The following ZNF514 variants were observed in gnomAD, a reference collection of about 807,000 sequenced individuals.
The protein encoded by ZNF514 is zinc finger protein 514.
In ZNF514, 12 loss-of-function variants were observed where a neutral mutation model predicts 9.7. That is an observed-to-expected ratio of 1.24 (90% CI 0.79 to 2.01). The LOEUF is 2.01. ZNF514 is among the 30% of genes most tolerant of loss of function. ZNF514 has a pLI of 0.00. For missense variants in ZNF514, 467 were observed against 465.5 expected, an observed-to-expected ratio of 1.00 and a Z score of -0.03; for synonymous variants, 158 against 163.7, an observed-to-expected ratio of 0.97 and a Z score of 0.27.
chr2:95,141,734 A>C (rs530882097), downstream of ZNF514, among the ~76,000 whole-genome samples: 1 of 152,360 alleles, frequency 6.6e-6, no homozygotes, highest in East Asian at 1.9e-4. Flanking sequence ...TACAGCAGTG[A>C]AACTCCAGGG....
chr2:95,157,016 T>C (rs1362250854), intron 2 of ZNF514, among the ~76,000 whole-genome samples: 2 of 152,236 alleles, frequency 1.3e-5, no homozygotes, highest in African/African-American at 2.4e-5. Flanking sequence ...ATTCACATCC[T>C]GTTACTGGTG....
downstream of ZNF514, among the ~76,000 whole-genome samples, chr2:95,140,846 G>A (rs990424741): frequency 2.8e-4 from 42 of 151,890 alleles, no homozygotes; most frequent in African/African-American, 9.4e-4. Context: ...ATGGTGTTGT[G>A]TGCCTATAGT....
chr2:95,158,927 A>G, intron 1 of ZNF514: 2 of 1,289,760 alleles, frequency 1.6e-6, no homozygotes, highest in Non-Finnish European at 2.0e-6. Context: ...TAGCTCCCCA[A>G]GAGGGCTCCT....
rs1245224613 is a variant in ZNF514 at position 95,147,240 on chromosome 2, TAA to T, written c.*2040_*2041del. 1.3e-5 allele frequency: 2 copies of T among 151,954 alleles called. No homozygotes were observed. Among genetic ancestry groups the T allele is most frequent in the East Asian group, 3.9e-4 (2 of 5,182 alleles). 9.4% of individuals were successfully genotyped at this position (151,954 alleles called of 1,614,324 possible). A position where few individuals can be genotyped will look rare whatever the true frequency, so the allele number is the denominator to read the frequency against. ...ATGTAGGGGTAACTGTTACAGAAAA[TAA>T]AAAGTGATACCAAAAATGCATAGAT... is the stretch of plus-strand genomic sequence containing the variant. On this transcript the variant is annotated 3_prime_UTR_variant, in exon 5 of 5. Coordinates refer to ENST00000295208, the MANE Select transcript of ZNF514 (RefSeq NM_032788.3).
At chr2:95,155,795 A>G (rs1285922599) in intron 2 of ZNF514, 1 of 152,236 alleles carries the variant, frequency 6.6e-6, no homozygotes, top group African/African-American at 2.4e-5. Flanking sequence ...GACCTGCAGC[A>G]GCCAGTGGGT....
chr2:95,146,831 A>T lies in ZNF514; in HGVS notation c.*2451T>A, dbSNP rs1385492601. On this transcript the variant is annotated 3_prime_UTR_variant, in exon 5 of 5. Coordinates refer to ENST00000295208, the MANE Select transcript of ZNF514 (RefSeq NM_032788.3). ...GCACTGGGAAAAAAGGGAGAGACGG[A>T]GCAAGAAAATATTTGCTATTTCTGC... Among the ~76,000 whole-genome samples, 1 of 152,068 alleles carries T rather than the reference A, an allele frequency of 6.6e-6. No individual in the cohort carries two copies. The highest frequency in any genetic ancestry group is 6.6e-5 in the Admixed American group (1 of 15,248).
the ZNF514 span, among the ~76,000 whole-genome samples, chr2:95,134,179 G>A: frequency 2.4e-4 from 36 of 152,052 alleles, no homozygotes; most frequent in Non-Finnish European, 4.3e-4. Context: ...CATAAACTTT[G>A]TGATTTTTAC....
the ZNF514 span, among the ~76,000 whole-genome samples, chr2:95,134,455 A>G: frequency 1.3e-5 from 2 of 152,184 alleles, no homozygotes; most frequent in Non-Finnish European, 2.9e-5. Context: ...ATCCCCTTTT[A>G]TAACAGCTAC....
In ZNF514 at chr2:95,149,148, A is replaced by T; in HGVS notation, c.*134T>A. On this transcript the variant is annotated 3_prime_UTR_variant, in exon 5 of 5. Coordinates refer to ENST00000295208, the MANE Select transcript of ZNF514 (RefSeq NM_032788.3). ...GACATTGACAGGGATTCTCTTTAGT[A>T]ATTATTGCCTGATGTGGAACAAGAT... The T allele has an allele frequency of 8.8e-7, 1 of 1,135,028 alleles. No homozygotes were observed. The highest frequency in any genetic ancestry group is 1.2e-6 in the Non-Finnish European group (1 of 813,918). The allele number at this position is 1,135,028 out of a possible 1,614,324, so 70.3% of individuals were successfully genotyped here.
intron 2 of ZNF514, 137 bp downstream of exon 2, chr2:95,157,214 C>T (rs1673711924): frequency 4.5e-6 from 2 of 445,262 alleles, no homozygotes; most frequent in South Asian, 1.9e-5. Context: ...CCATCATTCA[C>T]TTGGATGGGC....
At chr2:95,136,277 G>C in the ZNF514 span, among the ~76,000 whole-genome samples, 1 of 150,072 alleles carries the variant, frequency 6.7e-6, no homozygotes. Context: ...TTTTTTTTGA[G>C]ATGGAGTCTC....
intron 1 of ZNF514, among the ~76,000 whole-genome samples, chr2:95,157,868 G>C (rs942135233): frequency 2.0e-5 from 3 of 152,308 alleles, no homozygotes; most frequent in South Asian, 4.1e-4. Flanking sequence ...TTAAGGGGAG[G>C]AAGTTACACC....
rs1333960336 is a variant in ZNF514, at chr2:95,157,457, G to A, written c.-95-18C>T. 1 of 1,283,094 alleles carries A rather than the reference G, an allele frequency of 7.8e-7. No individual in the cohort carries two copies. The highest frequency in any genetic ancestry group is 1.0e-6 in the Non-Finnish European group (1 of 982,878). 79.5% of individuals were successfully genotyped at this position (1,283,094 alleles called of 1,614,324 possible). A position where few individuals can be genotyped will look rare whatever the true frequency, so the allele number is the denominator to read the frequency against. On this transcript the variant is annotated intron_variant, in intron 1 of 4. Coordinates refer to ENST00000295208, the MANE Select transcript of ZNF514 (RefSeq NM_032788.3). ...AGGGGAAGCTGGGAAGGTAGAAGGA[G>A]ACATAAGGGAAGCTGACCCAGCCAG...
intron 2 of ZNF514, chr2:95,154,342 G>T (rs1430838967): frequency 6.6e-6 from 1 of 152,260 alleles, no homozygotes; most frequent in East Asian, 1.9e-4. Context: ...CTGAGGGTTT[G>T]CTGTTGCTAT....
chr2:95,140,139 G>A (rs1426393330), downstream of ZNF514, among the ~76,000 whole-genome samples: 1 of 151,976 alleles, frequency 6.6e-6, no homozygotes, highest in Non-Finnish European at 1.5e-5. Flanking sequence ...AGTGGGTGAG[G>A]GGAGCTGAGG....
the ZNF514 span, among the ~76,000 whole-genome samples, chr2:95,127,477 C>G: frequency 2.6e-5 from 4 of 152,228 alleles, no homozygotes; most frequent in Non-Finnish European, 5.9e-5. Flanking sequence ...TATATGGTAA[C>G]CATACCCAAC....
downstream of ZNF514, among the ~76,000 whole-genome samples, chr2:95,140,277 TATAATA>T: frequency 6.6e-6 from 1 of 152,196 alleles, no homozygotes; most frequent in Non-Finnish European, 1.5e-5. Context: ...GAACTTAAAG[TATAATA>T]ATAATAAAAC....
intron 2 of ZNF514, chr2:95,154,610 G>A (rs1252972899): frequency 6.6e-6 from 1 of 152,244 alleles, no homozygotes; most frequent in African/African-American, 2.4e-5. Flanking sequence ...CATTAGTAGT[G>A]TGAGCTGGTT....
At chr2:95,152,597 C>A in intron 4 of ZNF514, 77 bp downstream of exon 4, 1 of 1,216,416 alleles carries the variant, frequency 8.2e-7, no homozygotes. Context: ...AAGGACAGCA[C>A]ACTGACCAAA....
Sources: gnomAD v4.1 joint callset for allele counts (sites outside exome capture counted in the v4.1 genomes callset) on GRCh38, gnomAD v4.1.1 for gene constraint, MANE v1.5 for transcripts, NCBI Gene and HGNC (gene_info 2026-07-23, HGNC 2026-07-21) for gene names.